Variants in PTPRD observed in about 807,000 individuals in gnomAD.
PTPRD encodes protein tyrosine phosphatase receptor type D, also known as receptor-type tyrosine-protein phosphatase delta.
PTPRD carries 34 observed loss-of-function variants against 214.5 expected under a neutral mutation model. The observed-to-expected ratio is 0.16, with a 90% CI of 0.12 to 0.21. The LOEUF (loss-of-function observed/expected upper bound fraction) is 0.21. Ranked by LOEUF, PTPRD falls within the 10% of genes least tolerant of loss-of-function variation. The pLI is 1.00. For synonymous variants in PTPRD, 1,128 were observed against 845.7 expected (o/e 1.33, Z -5.79); for missense variants, 2,545 against 2,398.7 (o/e 1.06, Z -1.27).
intron 5 of PTPRD, among the ~76,000 whole-genome samples, chr9:9,815,838 C>A (rs977361260): frequency 2.6e-5 from 4 of 152,100 alleles, no homozygotes; most frequent in Non-Finnish European, 5.9e-5. Flanking sequence ...GACATGGTGA[C>A]TGTAGTTAGT....
At chr9:10,231,970 G>C (rs868307750) in intron 3 of PTPRD, among the ~76,000 whole-genome samples, 1 of 103,418 alleles carries the variant, frequency 9.7e-6, no homozygotes, top group Non-Finnish European at 2.1e-5. Flanking sequence ...GAGAGAGAGA[G>C]AGAGAGAGAG....
intron 11 of PTPRD, among the ~76,000 whole-genome samples, chr9:8,780,031 G>A (rs1011510508): frequency 4.6e-5 from 7 of 151,482 alleles, no homozygotes; most frequent in African/African-American, 1.7e-4. Context: ...AAGTTAAAGT[G>A]TCAAACATTC....
At chr9:9,027,221 A>C (rs929483410) in intron 10 of PTPRD, among the ~76,000 whole-genome samples, 5 of 151,842 alleles carry the variant, frequency 3.3e-5, no homozygotes, top group Non-Finnish European at 7.4e-5. Flanking sequence ...TAAACCAAGA[A>C]AGAATTTGTT....
intron 8 of PTPRD, among the ~76,000 whole-genome samples, chr9:9,515,207 C>T (rs1467014530): frequency 1.3e-5 from 2 of 152,030 alleles, no homozygotes; most frequent in African/African-American, 4.8e-5. Flanking sequence ...CAATCTATGC[C>T]TGTAGCTTGT....
chr9:9,634,026 A>T (rs2095675600), intron 7 of PTPRD, among the ~76,000 whole-genome samples: 1 of 152,160 alleles, frequency 6.6e-6, no homozygotes, highest in Admixed American at 6.5e-5. Flanking sequence ...TGATATAGAC[A>T]GCACATATCA....
intron 5 of PTPRD, among the ~76,000 whole-genome samples, chr9:9,835,295 T>A (rs941130055): frequency 3.9e-5 from 6 of 151,902 alleles, no homozygotes; most frequent in Non-Finnish European, 7.4e-5. Context: ...CCCCTGAGAC[T>A]TTTTTTTACA....
chr9:8,627,173 C>G (rs1014988633), intron 14 of PTPRD, among the ~76,000 whole-genome samples: 2 of 151,736 alleles, frequency 1.3e-5, no homozygotes, highest in African/African-American at 4.8e-5. Flanking sequence ...CTTTTTATTT[C>G]CCATCATGCT....
Position 8,851,130 on chromosome 9 carries a change from T to C in PTPRD, c.-103-117184A>G, listed in dbSNP as rs185992145. On this transcript the variant is annotated intron_variant, in intron 11 of 45. Coordinates refer to ENST00000381196, the MANE Select transcript of PTPRD (RefSeq NM_002839.4). ...ACCATCCATCATTGCTCTTGAAACC[T>C]GATACTTCAGGGAAGGACAGCTGCA... 3.7e-3 allele frequency among the ~76,000 whole-genome samples: 555 copies of C among 151,544 alleles called. 9 individuals are homozygous for C. The highest frequency in any genetic ancestry group is 0.033 in the Admixed American group (499 of 15,204).
chr9:9,266,407 A>G (rs544279900), intron 9 of PTPRD, among the ~76,000 whole-genome samples: 1 of 151,484 alleles, frequency 6.6e-6, no homozygotes, highest in South Asian at 2.1e-4. Context: ...AGACCTAACA[A>G]ACATATACAG....
At chr9:10,238,424 C>T (rs890272807) in intron 3 of PTPRD, among the ~76,000 whole-genome samples, 2 of 151,892 alleles carry the variant, frequency 1.3e-5, no homozygotes, top group Non-Finnish European at 2.9e-5. Context: ...TGTAACATTT[C>T]TCCATGTTAT....
At chr9:10,161,016 T>C (rs1027270132) in intron 3 of PTPRD, among the ~76,000 whole-genome samples, 8 of 151,912 alleles carry the variant, frequency 5.3e-5, no homozygotes, top group African/African-American at 1.9e-4. Context: ...TAACCAAAGA[T>C]ATAAAAATCC....
At chr9:9,123,868 C>T (rs772607634) in intron 10 of PTPRD, among the ~76,000 whole-genome samples, 3 of 152,086 alleles carry the variant, frequency 2.0e-5, no homozygotes, top group Non-Finnish European at 4.4e-5. Context: ...CAGTCAACCA[C>T]ATTGTGTGAG....
intron 6 of PTPRD, among the ~76,000 whole-genome samples, chr9:9,739,354 T>C (rs1377965162): frequency 6.6e-6 from 1 of 152,168 alleles, no homozygotes; most frequent in Non-Finnish European, 1.5e-5. Context: ...TATAAGAATG[T>C]TTATAATAAA....
chr9:8,684,566 T>G (rs529851792), intron 12 of PTPRD, among the ~76,000 whole-genome samples: 2 of 152,282 alleles, frequency 1.3e-5, no homozygotes, highest in East Asian at 3.9e-4. Context: ...CTAGCCTCAC[T>G]CATTTCTTCC....
chr9:10,226,036 C>T (rs1362694705), intron 3 of PTPRD, among the ~76,000 whole-genome samples: 1 of 152,030 alleles, frequency 6.6e-6, no homozygotes, highest in African/African-American at 2.4e-5. Context: ...CATTCAAGGC[C>T]TGCTACATAA....
intron 2 of PTPRD, among the ~76,000 whole-genome samples, chr9:10,428,075 G>A (rs1004481767): frequency 6.6e-6 from 1 of 152,000 alleles, no homozygotes; most frequent in Non-Finnish European, 1.5e-5. Context: ...CAGCACTTTG[G>A]GAGGCCAAGG....
intron 11 of PTPRD, among the ~76,000 whole-genome samples, chr9:8,867,399 T>C (rs1015500741): frequency 6.6e-6 from 1 of 152,130 alleles, no homozygotes; most frequent in Admixed American, 6.6e-5. Context: ...AAGCAGACTG[T>C]TCTGAAAAGA....
chr9:9,339,958 C>A (rs572462406), intron 9 of PTPRD, among the ~76,000 whole-genome samples: 10 of 152,238 alleles, frequency 6.6e-5, no homozygotes, highest in African/African-American at 2.2e-4. Context: ...AGCCTTTTAT[C>A]ATTCAGCAGC....
At chr9:9,580,551 T>C (rs1324310302) in intron 7 of PTPRD, among the ~76,000 whole-genome samples, 3 of 144,392 alleles carry the variant, frequency 2.1e-5, no homozygotes, top group South Asian at 2.2e-4. Flanking sequence ...TATTTTCTTT[T>C]TTTTTTTTTT....
Sources: gnomAD v4.1 joint callset for allele counts (sites outside exome capture counted in the v4.1 genomes callset) on GRCh38, gnomAD v4.1.1 for gene constraint, MANE v1.5 for transcripts, NCBI Gene and HGNC (gene_info 2026-07-23, HGNC 2026-07-21) for gene names.